The following DCC variants were observed in gnomAD, a reference collection of about 807,000 sequenced individuals.
The protein encoded by DCC is netrin receptor DCC.
In DCC, 58 loss-of-function variants were observed where a neutral mutation model predicts 172.5. That is an observed-to-expected ratio of 0.34 (90% confidence interval 0.27 to 0.42). The LOEUF (loss-of-function observed/expected upper bound fraction) is 0.42, where lower values mean the gene tolerates loss of function less well. DCC is among the 10% of genes least tolerant of loss of function. DCC has a pLI of 1.00. For synonymous variants in DCC, 709 were observed against 644.5 expected, an observed-to-expected ratio of 1.10 and a Z score of -1.52; for missense variants, 1,740 against 1,791.0, an observed-to-expected ratio of 0.97 and a Z score of 0.51.
intron 14 of DCC, among the ~76,000 whole-genome samples, chr18:53,328,668 A>T (rs574707903): frequency 6.6e-6 from 1 of 152,024 alleles, no homozygotes; most frequent in East Asian, 1.9e-4. Context: ...CTGAGTAGCT[A>T]TGATTACAGG....
chr18:53,212,891 C>T (rs2055779919), intron 11 of DCC, among the ~76,000 whole-genome samples: 1 of 152,044 alleles, frequency 6.6e-6, no homozygotes, highest in South Asian at 2.1e-4. Flanking sequence ...AAGCTGGTCT[C>T]GAACTCCTGA....
At chr18:53,112,250 A>G (rs190955341) in intron 7 of DCC, among the ~76,000 whole-genome samples, 3 of 151,558 alleles carry the variant, frequency 2.0e-5, no homozygotes, top group African/African-American at 7.2e-5. Flanking sequence ...TTAATAGCCC[A>G]TTTTTCTATA....
chr18:53,215,532 GT>G lies in DCC; in HGVS notation c.1862-13del, dbSNP rs2055832380. On this transcript the variant is annotated splice_polypyrimidine_tract_variant and intron_variant, in intron 11 of 28. Coordinates refer to ENST00000442544, the MANE Select transcript of DCC (RefSeq NM_005215.4). ...ATTTTGGCAGTAACTGTGACAATTTGTTTGATTCCTTTTAGTGCCAAGTGCC... is the reference window on the plus strand; with the variant it reads ...ATTTTGGCAGTAACTGTGACAATTTGTTGATTCCTTTTAGTGCCAAGTGCC... 6.2e-7 allele frequency: 1 copy of G among 1,612,052 alleles called. No individual in the cohort carries two copies. Among genetic ancestry groups the G allele is most frequent in the Admixed American group, 1.7e-5 (1 of 59,960 alleles).
chr18:52,385,089 T>C (rs546551694), intron 1 of DCC, among the ~76,000 whole-genome samples: 2 of 152,120 alleles, frequency 1.3e-5, no homozygotes, highest in East Asian at 3.9e-4. Context: ...AAAAAGTGCA[T>C]AGAGCAAAGG....
At chr18:53,415,107 G>A (rs1243320944) in intron 20 of DCC, among the ~76,000 whole-genome samples, 1 of 152,104 alleles carries the variant, frequency 6.6e-6, no homozygotes, top group African/African-American at 2.4e-5. Flanking sequence ...GCTTTATTTA[G>A]AAAAAGAAGG....
chr18:52,904,657 AC>A (rs537050643), intron 2 of DCC, among the ~76,000 whole-genome samples: 34 of 152,336 alleles, frequency 2.2e-4, no homozygotes, highest in African/African-American at 7.7e-4. Flanking sequence ...CAAAATTTAA[AC>A]CTGGACCTGG....
At chr18:53,082,500 A>G (rs913131997) in intron 7 of DCC, among the ~76,000 whole-genome samples, 5 of 152,034 alleles carry the variant, frequency 3.3e-5, no homozygotes, top group South Asian at 2.1e-4. Flanking sequence ...GAAATATAAT[A>G]CTCCAGGGCA....
intron 27 of DCC, among the ~76,000 whole-genome samples, chr18:53,508,732 GT>G (rs1216495986): frequency 3.9e-5 from 6 of 152,204 alleles, no homozygotes; most frequent in Non-Finnish European, 8.8e-5. Flanking sequence ...GCCCAGTGAA[GT>G]TTTCATCACC....
chr18:52,476,207 C>T (rs1200245143), intron 1 of DCC, among the ~76,000 whole-genome samples: 1 of 152,168 alleles, frequency 6.6e-6, no homozygotes, highest in Admixed American at 6.5e-5. Flanking sequence ...GCTTAAATCA[C>T]ATTTTATATT....
chr18:52,908,110 G>A (rs2039917369), intron 3 of DCC, among the ~76,000 whole-genome samples: 1 of 152,210 alleles, frequency 6.6e-6, no homozygotes, highest in Non-Finnish European at 1.5e-5. Flanking sequence ...AAGTATGGAT[G>A]TTGGCTTCGG....
At chr18:52,965,541 G>A (rs559350262) in intron 5 of DCC, among the ~76,000 whole-genome samples, 12 of 152,172 alleles carry the variant, frequency 7.9e-5, no homozygotes, top group African/African-American at 2.9e-4. Context: ...TCCAAAAATA[G>A]GGTTAAAACT....
At chr18:52,905,920 C>T (rs543211368) in intron 2 of DCC, 124 bp from the exon 3 acceptor site, 30 of 764,542 alleles carry the variant, frequency 3.9e-5, no homozygotes, top group African/African-American at 1.9e-4. Flanking sequence ...GCAAATGAGA[C>T]GATATTTGAG....
intron 1 of DCC, among the ~76,000 whole-genome samples, chr18:52,462,846 T>C (rs1568181329): frequency 6.8e-6 from 1 of 147,248 alleles, no homozygotes; most frequent in Non-Finnish European, 1.5e-5. Flanking sequence ...CTCTGAATTA[T>C]GTATTGAATG....
At chr18:52,684,609 G>A (rs767668079) in intron 1 of DCC, among the ~76,000 whole-genome samples, 2 of 152,126 alleles carry the variant, frequency 1.3e-5, no homozygotes, top group East Asian at 1.9e-4. Context: ...TCAGTCAGTC[G>A]TGTGTTCCAA....
intron 1 of DCC, among the ~76,000 whole-genome samples, chr18:52,569,678 T>C (rs975381077): frequency 6.6e-6 from 1 of 152,144 alleles, no homozygotes; most frequent in Non-Finnish European, 1.5e-5. Context: ...ACTACAATTC[T>C]GGCATTATGC....
At chr18:52,826,910 T>A (rs144576360) in intron 2 of DCC, among the ~76,000 whole-genome samples, 2 of 152,362 alleles carry the variant, frequency 1.3e-5, no homozygotes, top group East Asian at 3.9e-4. Flanking sequence ...TACTTTTTTC[T>A]TGCCAAGATT....
At chr18:52,630,229 A>T (rs1047842710) in intron 1 of DCC, among the ~76,000 whole-genome samples, 1 of 152,224 alleles carries the variant, frequency 6.6e-6, no homozygotes, top group Non-Finnish European at 1.5e-5. Context: ...GATTGAAAGA[A>T]GATATATAGT....
intron 2 of DCC, among the ~76,000 whole-genome samples, chr18:52,756,551 AAATT>A (rs1291344078): frequency 6.6e-6 from 1 of 152,248 alleles, no homozygotes; most frequent in African/African-American, 2.4e-5. Context: ...AATAGCCTAC[AAATT>A]AATTAACTAT....
intron 23 of DCC, among the ~76,000 whole-genome samples, chr18:53,454,876 A>T (rs915163519): frequency 2.0e-5 from 3 of 152,140 alleles, no homozygotes; most frequent in African/African-American, 7.2e-5. Flanking sequence ...CTACCTTAAG[A>T]CTTCATTATA....
Sources: gnomAD v4.1 joint callset for allele counts (sites outside exome capture counted in the v4.1 genomes callset) on GRCh38, gnomAD v4.1.1 for gene constraint, MANE v1.5 for transcripts, NCBI Gene and HGNC (gene_info 2026-07-23, HGNC 2026-07-21) for gene names.